NRXN1: variants seen among roughly 807,000 people sequenced by gnomAD.
NRXN1 encodes the protein neurexin-1.
Under a neutral mutation model 150.9 loss-of-function variants are expected in NRXN1, and 39 were observed. The ratio of observed to expected loss-of-function variants is 0.26; its 90% CI spans 0.20 to 0.34. The LOEUF (loss-of-function observed/expected upper bound fraction) is 0.34. Among genes scored for constraint, NRXN1 ranks in the 10% least tolerant of loss-of-function variants. NRXN1 has a pLI of 1.00. For missense variants in NRXN1, 1,815 were observed against 1,949.9 expected (o/e 0.93, Z 1.30); for synonymous variants, 924 against 757.0 (o/e 1.22, Z -3.62).
At position 50,923,124 on chromosome 2, in the gene NRXN1, C is replaced by A. The variant is rs1686324179; in HGVS notation, c.791-437G>T. On this transcript the variant is annotated intron_variant, in intron 3 of 22. Transcript: ENST00000401669. ...ACATGGGCTGGGTCTGATCTTTTTC[C>A]CCTCATCAAAAAATGAGCATTTTAT... is the stretch of plus-strand genomic sequence containing the variant. Among the ~76,000 whole-genome samples, 7 of 151,568 alleles carry A rather than the reference C, an allele frequency of 4.6e-5. No homozygotes were observed. The South Asian group carries it at 1.5e-3, about 31-fold the overall frequency.
At chr2:50,362,665 T>G (rs2079304036) in intron 17 of NRXN1, among the ~76,000 whole-genome samples, 1 of 152,204 alleles carries the variant, frequency 6.6e-6, no homozygotes, top group Non-Finnish European at 1.5e-5. Flanking sequence ...ATGGCCATAC[T>G]GCCCAAAGTA....
At chr2:50,618,351 T>C (rs1002366454) in intron 8 of NRXN1, among the ~76,000 whole-genome samples, 2 of 152,182 alleles carry the variant, frequency 1.3e-5, no homozygotes, top group Admixed American at 1.3e-4. Context: ...TTTCTCTCCT[T>C]GTCTTCTAGA....
intron 5 of NRXN1, among the ~76,000 whole-genome samples, chr2:50,653,497 A>C (rs186900048): frequency 6.6e-6 from 1 of 152,046 alleles, no homozygotes; most frequent in Non-Finnish European, 1.5e-5. Context: ...AAATACACCA[A>C]CTTAGGTTAC....
At chr2:49,965,007 C>A (rs1297397327) in intron 21 of NRXN1, among the ~76,000 whole-genome samples, 1 of 151,852 alleles carries the variant, frequency 6.6e-6, no homozygotes, top group Non-Finnish European at 1.5e-5. Context: ...CCCCTTCAGG[C>A]CCCTGACAGG....
chr2:50,360,518 G>A (rs1317584899), intron 17 of NRXN1, among the ~76,000 whole-genome samples: 1 of 151,950 alleles, frequency 6.6e-6, no homozygotes, highest in Non-Finnish European at 1.5e-5. Flanking sequence ...GAGAAAGAGG[G>A]GCATTACGTA....
chr2:50,734,914 T>C (rs1698536511), intron 5 of NRXN1, among the ~76,000 whole-genome samples: 1 of 152,152 alleles, frequency 6.6e-6, no homozygotes, highest in Admixed American at 6.5e-5. Context: ...GAACAACAAG[T>C]AGTTGAAAGA....
chr2:50,138,043 A>T (rs1706681043), intron 18 of NRXN1, among the ~76,000 whole-genome samples: 1 of 152,218 alleles, frequency 6.6e-6, no homozygotes, highest in Admixed American at 6.5e-5. Flanking sequence ...GTCATAAAAA[A>T]ATTTATGCAG....
chr2:50,530,433 T>C (rs976389982), intron 11 of NRXN1, among the ~76,000 whole-genome samples: 1 of 152,190 alleles, frequency 6.6e-6, no homozygotes, highest in African/African-American at 2.4e-5. Context: ...TATTATGTTT[T>C]TGAGTATAAT....
intron 10 of NRXN1, among the ~76,000 whole-genome samples, chr2:50,535,393 G>C (rs2093229693): frequency 6.6e-6 from 1 of 152,192 alleles, no homozygotes; most frequent in South Asian, 2.1e-4. Flanking sequence ...GCAGTCTAAA[G>C]TGTACACCTG....
chr2:50,662,403 A>C (rs1687425779), intron 5 of NRXN1, among the ~76,000 whole-genome samples: 1 of 152,002 alleles, frequency 6.6e-6, no homozygotes, highest in Non-Finnish European at 1.5e-5. Context: ...ATTTCAAGAA[A>C]ATGATGGTAT....
chr2:50,925,947 T>C lies in NRXN1; in HGVS notation c.781A>G (p.Asn261Asp), dbSNP rs781179797. Residue 261 changes from asparagine to aspartate, a missense_variant, in exon 3 of 23, where the codon AAT becomes GAT. By Grantham distance (23) the Asn-to-Asp change is conservative. Transcript: ENST00000401669. ...RGKDCSQEDNNVEGLAHLMMG... is the reference protein window; with the variant it reads ...RGKDCSQEDNDVEGLAHLMMG... ...GGTAGAAAGCACCCACCTTCCACATTGTTGTCTTCTGAAAGCACATGACAA... is the reference window on the plus strand; with the variant it reads ...GGTAGAAAGCACCCACCTTCCACATCGTTGTCTTCTGAAAGCACATGACAA... 1.0e-4 allele frequency: 160 copies of C among 1,574,272 alleles called. No homozygotes were observed. The highest frequency in any genetic ancestry group is 1.4e-4 in the Non-Finnish European group (158 of 1,158,478).
intron 18 of NRXN1, among the ~76,000 whole-genome samples, chr2:50,114,309 CA>C (rs1702747101): frequency 1.3e-5 from 2 of 152,100 alleles, no homozygotes; most frequent in South Asian, 4.1e-4. Flanking sequence ...TACAGTGATA[CA>C]CCACTATAAA....
At chr2:50,233,371 T>C (rs886995815) in intron 18 of NRXN1, among the ~76,000 whole-genome samples, 6 of 152,204 alleles carry the variant, frequency 3.9e-5, no homozygotes, top group Non-Finnish European at 7.4e-5. Context: ...CAAGTTGTTA[T>C]GTTTTTAAGA....
intron 19 of NRXN1, among the ~76,000 whole-genome samples, chr2:50,068,066 G>T (rs1205201789): frequency 9.2e-5 from 14 of 152,158 alleles, no homozygotes; most frequent in African/African-American, 2.2e-4. Flanking sequence ...AACTGCGAAA[G>T]TTCCCTATTC....
At chr2:50,841,359 C>G (rs1672845419) in intron 5 of NRXN1, among the ~76,000 whole-genome samples, 2 of 152,164 alleles carry the variant, frequency 1.3e-5, no homozygotes, top group African/African-American at 4.8e-5. Flanking sequence ...CAGCTACTTG[C>G]AGAAGTCAAA....
At chr2:50,678,089 C>T (rs996488555) in intron 5 of NRXN1, among the ~76,000 whole-genome samples, 1 of 152,072 alleles carries the variant, frequency 6.6e-6, no homozygotes, top group African/African-American at 2.4e-5. Context: ...CTTCCATCCT[C>T]CCAATAGTTA....
intron 5 of NRXN1, among the ~76,000 whole-genome samples, chr2:50,757,320 G>A (rs1701257085): frequency 6.6e-6 from 1 of 151,754 alleles, no homozygotes; most frequent in Non-Finnish European, 1.5e-5. Context: ...AAAAAAGTAA[G>A]AGTGTAGGAA....
intron 2 of NRXN1, among the ~76,000 whole-genome samples, chr2:50,978,271 CATATATATATATAT>C (rs10671122): frequency 0.083 from 7,883 of 95,044 alleles, 736 homozygotes; most frequent in East Asian, 0.25. Flanking sequence ...GGATATTATA[CATATATATATATAT>C]ATATATATAT....
intron 18 of NRXN1, chr2:50,105,174 C>CTTACCATT (rs1306736646): frequency 2.6e-5 from 4 of 151,950 alleles, no homozygotes; most frequent in Admixed American, 1.3e-4. Flanking sequence ...GCTCTAGACG[C>CTTACCATT]TTACCATTTT....
Sources: allele counts gnomAD v4.1 joint callset (sites outside exome capture counted in the v4.1 genomes callset), GRCh38; gene constraint gnomAD v4.1.1; transcripts MANE v1.5; gene names NCBI Gene and HGNC (gene_info 2026-07-23, HGNC 2026-07-21).